TRIP4: variants seen among roughly 807,000 people sequenced by gnomAD.
TRIP4 encodes the protein thyroid hormone receptor interactor 4.
TRIP4 carries 54 observed loss-of-function variants against 81.8 expected under a neutral mutation model. That is an observed-to-expected ratio of 0.66 (90% CI 0.53 to 0.83). TRIP4 has a LOEUF of 0.83. TRIP4 is among the 40% of genes least tolerant of loss of function. TRIP4 has a pLI of 0.00. For synonymous variants in TRIP4, 270 were observed against 242.8 expected (o/e 1.11, Z -1.04); for missense variants, 662 against 683.6 (o/e 0.97, Z 0.35).
At chr15:64,432,942 TAAA>T (rs1432638121) in intron 11 of TRIP4, among the ~76,000 whole-genome samples, 4 of 151,566 alleles carry the variant, frequency 2.6e-5, no homozygotes, top group African/African-American at 9.7e-5. Context: ...AATAAATAAA[TAAA>T]TAAACACTTG....
Position 64,394,097 on chromosome 15 carries a change from C to G in TRIP4, c.253C>G (p.Gln85Glu). 1 of 1,597,476 alleles carries G rather than the reference C, an allele frequency of 6.3e-7. No individual in the cohort carries two copies. Residue 85 changes from glutamine to glutamate, a missense_variant, in exon 2 of 13, where the codon CAG becomes GAG. By Grantham distance (29) the Gln-to-Glu change is conservative (BLOSUM62 2). Transcript: ENST00000261884. ...GGAGTTGATTTCGGATCCTTTGCAG[C>G]AGTGCTTCAAAAAAGATGGTAAGTT... The part of the protein sequence containing the change: ...DQELISDPLQ[Q>E]CFKKDEILDG...
At chr15:64,427,013 A>G (rs1892165871) in intron 11 of TRIP4, among the ~76,000 whole-genome samples, 1 of 152,100 alleles carries the variant, frequency 6.6e-6, no homozygotes, top group African/African-American at 2.4e-5. Flanking sequence ...AAAAAGAAAA[A>G]AAAAAGATTG....
chr15:64,394,209 T>G, intron 2 of TRIP4, 94 bp downstream of exon 2: 3 of 1,155,192 alleles, frequency 2.6e-6, no homozygotes, highest in Non-Finnish European at 3.5e-6. Context: ...CATCTTGTGT[T>G]TCTTCACAGC....
chr15:64,394,135 C>G lies in TRIP4; in HGVS notation c.271+20C>G. On this transcript the variant is annotated intron_variant, in intron 2 of 12. Transcript: ENST00000261884. Reference sequence around the variant, plus strand: ...AAGATGGTAAGTTAATGTAATTATGCAAATGTTGAAATATTGGTAAGTGGG... The same window carrying G: ...AAGATGGTAAGTTAATGTAATTATGGAAATGTTGAAATATTGGTAAGTGGG... The G allele has an allele frequency of 6.4e-7, 1 of 1,550,872 alleles. No individual in the cohort carries two copies.
intron 11 of TRIP4, among the ~76,000 whole-genome samples, chr15:64,426,769 G>A (rs1456680203): frequency 6.6e-6 from 1 of 151,296 alleles, no homozygotes; most frequent in Non-Finnish European, 1.5e-5. Flanking sequence ...GGGAGGCCAA[G>A]GCGGGCAGAT....
In TRIP4 at chr15:64,395,263, A is replaced by G. The variant is rs1017790101; in HGVS notation, c.272-135A>G. Reference sequence around the variant, plus strand: ...TTTAATTCTGGTTTGACAGGAAAAGATAATTAAAAATCTTCCTGATGATAT... The same window carrying G: ...TTTAATTCTGGTTTGACAGGAAAAGGTAATTAAAAATCTTCCTGATGATAT... On this transcript the variant is annotated intron_variant, in intron 2 of 12. Transcript: ENST00000261884. The G allele has an allele frequency of 1.7e-5, 12 of 706,334 alleles. No homozygotes were observed. In the African/African-American group the frequency reaches 1.8e-4, roughly 11 times the overall value. The allele number at this position is 706,334 out of a possible 1,614,324, so 43.8% of individuals were successfully genotyped here. A position where few individuals can be genotyped will look rare whatever the true frequency, so the allele number is the denominator to read the frequency against.
rs965817364 is a variant in TRIP4 at position 64,394,075 on chromosome 15, G to A, written c.231G>A (p.Glu77=). ...CCAAATGGCAAAAGAATGATCAGGA[G>A]TTGATTTCGGATCCTTTGCAGCAGT... The part of the protein sequence containing the change: ...LITKWQKNDQ[E]LISDPLQQCF... Residue 77 remains glutamate, a synonymous_variant, in exon 2 of 13, where the codon GAG becomes GAA. Coordinates refer to ENST00000261884, the MANE Select transcript of TRIP4 (RefSeq NM_016213.5). 2 of 1,608,290 alleles carry A rather than the reference G, an allele frequency of 1.2e-6. No homozygotes were observed. Among genetic ancestry groups the A allele is most frequent in the Non-Finnish European group, 8.5e-7 (1 of 1,177,472 alleles).
intron 12 of TRIP4, chr15:64,450,587 TGTTAGAC>T (rs1375900348): frequency 4.5e-6 from 2 of 444,314 alleles, no homozygotes; most frequent in Non-Finnish European, 9.1e-6. Flanking sequence ...GCAATCACTC[TGTTAGAC>T]GTTAAGGATA....
intron 12 of TRIP4, among the ~76,000 whole-genome samples, chr15:64,448,412 TGTTA>T (rs903715345): frequency 2.0e-5 from 3 of 152,218 alleles, no homozygotes; most frequent in African/African-American, 7.2e-5. Flanking sequence ...GTATTGTTTC[TGTTA>T]GTTAATGGTA....
chr15:64,414,477 A>C (rs962597887), intron 8 of TRIP4, among the ~76,000 whole-genome samples: 1 of 150,944 alleles, frequency 6.6e-6, no homozygotes, highest in African/African-American at 2.4e-5. Flanking sequence ...AAATTTAGAC[A>C]GAAATTCCAT....
In TRIP4 at chr15:64,395,518, T is replaced by G; in HGVS notation, c.392T>G (p.Phe131Cys). ...ACGACTGCAGAGGTTAAAACACCTT[T>G]TGATTTGGCCAAGGTGAGTGCTTAT... is the stretch of plus-strand genomic sequence containing the variant. Reference protein sequence around the residue: ...PDTTAEVKTPFDLAKAQENSN... With the variant: ...PDTTAEVKTPCDLAKAQENSN... Residue 131 changes from phenylalanine (F) to cysteine (C), a missense_variant, in exon 3 of 13, where the codon TTT (phenylalanine) becomes TGT (cysteine). Physicochemically the swap from Phe to Cys is radical, Grantham distance 205 (BLOSUM62 -2). Coordinates refer to ENST00000261884, the MANE Select transcript of TRIP4 (RefSeq NM_016213.5). 6.2e-7 allele frequency: 1 copy of G among 1,610,726 alleles called. No homozygotes were observed. The highest frequency in any genetic ancestry group is 8.5e-7 in the Non-Finnish European group (1 of 1,178,180).
At chr15:64,416,299 A>G (rs995011727) in intron 8 of TRIP4, among the ~76,000 whole-genome samples, 1 of 152,236 alleles carries the variant, frequency 6.6e-6, no homozygotes, top group African/African-American at 2.4e-5. Context: ...AGATTCTTTA[A>G]TAGTATTATC....
At chr15:64,444,801 G>C in intron 11 of TRIP4, 1 of 248,810 alleles carries the variant, frequency 4.0e-6, no homozygotes, top group Non-Finnish European at 7.5e-6. Flanking sequence ...AATCAGAGAT[G>C]GCAGGCAATA....
At chr15:64,388,196 C>A in intron 1 of TRIP4, 1 of 655,770 alleles carries the variant, frequency 1.5e-6, no homozygotes, top group Non-Finnish European at 2.2e-6. Context: ...GACGCCCAAT[C>A]TGTAATAATT....
intron 1 of TRIP4, among the ~76,000 whole-genome samples, chr15:64,388,233 A>G (rs1900009419): frequency 6.6e-6 from 1 of 152,124 alleles, no homozygotes; most frequent in Non-Finnish European, 1.5e-5. Context: ...CCCAGGAGCC[A>G]GTTTCCTTTC....
chr15:64,400,191 C>T (rs547598705), intron 4 of TRIP4, among the ~76,000 whole-genome samples: 1 of 151,506 alleles, frequency 6.6e-6, no homozygotes, highest in East Asian at 2.0e-4. Flanking sequence ...GCCTATAATC[C>T]CATTGCTTTC....
intron 5 of TRIP4, among the ~76,000 whole-genome samples, chr15:64,403,866 A>G (rs994642499): frequency 5.9e-5 from 9 of 152,110 alleles, no homozygotes; most frequent in African/African-American, 1.4e-4. Context: ...TTTTTTTGAC[A>G]CTTGAGATGT....
chr15:64,397,834 T>C lies in TRIP4; in HGVS notation c.618+16T>C. On this transcript the variant is annotated intron_variant, in intron 4 of 12. Coordinates refer to ENST00000261884, the MANE Select transcript of TRIP4 (RefSeq NM_016213.5). The stretch of plus-strand genomic sequence containing the variant: ...TGGCACTCTGGTAAATTATTTCTTT[T>C]CTATTTTATTTTACTGTGCTTTGTG... The C allele has an allele frequency of 6.2e-7, 1 of 1,612,584 alleles. No individual in the cohort carries two copies. Among genetic ancestry groups the C allele is most frequent in the Non-Finnish European group, 8.5e-7 (1 of 1,178,942 alleles).
intron 6 of TRIP4, among the ~76,000 whole-genome samples, chr15:64,408,584 CTGAGTA>C (rs1445548504): frequency 1.2e-4 from 19 of 152,128 alleles, no homozygotes; most frequent in African/African-American, 4.6e-4. Flanking sequence ...ATAATTCTAG[CTGAGTA>C]TGAAAATTTG....
Sources: allele counts gnomAD v4.1 joint callset (sites outside exome capture counted in the v4.1 genomes callset), GRCh38; gene constraint gnomAD v4.1.1; transcripts MANE v1.5; gene names NCBI Gene and HGNC (gene_info 2026-07-23, HGNC 2026-07-21).